Variants in NRXN1 observed in about 807,000 individuals in gnomAD.
NRXN1 encodes the protein neurexin-1.
Under a neutral mutation model 150.9 loss-of-function variants are expected in NRXN1, and 39 were observed. The ratio of observed to expected loss-of-function variants is 0.26; its 90% confidence interval spans 0.20 to 0.34. NRXN1 has a LOEUF of 0.34. Ranked by LOEUF, NRXN1 falls within the 10% of genes least tolerant of loss-of-function variation. NRXN1 has a pLI of 1.00. For synonymous variants in NRXN1, 924 were observed against 757.0 expected (o/e 1.22, Z -3.62); for missense variants, 1,815 against 1,949.9 (o/e 0.93, Z 1.30).
rs375527835 is a variant in NRXN1, at chr2:50,499,714, TA to T, written c.2498-2001del. 4.0e-3 allele frequency among the ~76,000 whole-genome samples: 603 copies of T among 151,832 alleles called. 5 individuals carry two copies. The highest frequency in any genetic ancestry group is 0.014 in the African/African-American group (578 of 41,440). ...TGTAATCCCAGCATTTTGGGAGGCC[TA>T]GGGGGGCAGATCACCTGAGGTCAGG... On this transcript the variant is annotated intron_variant, in intron 13 of 22. Transcript: ENST00000401669.
chr2:50,031,752 C>T (rs559412054), intron 21 of NRXN1, among the ~76,000 whole-genome samples: 1 of 152,164 alleles, frequency 6.6e-6, no homozygotes, highest in South Asian at 2.1e-4. Flanking sequence ...TCTCAAAAGA[C>T]TCTCAATGTC....
chr2:50,847,822 GGA>G (rs1673900374), intron 5 of NRXN1, among the ~76,000 whole-genome samples: 1 of 152,128 alleles, frequency 6.6e-6, no homozygotes, highest in African/African-American at 2.4e-5. Flanking sequence ...GAAAGGTGGC[GGA>G]GTTTGGCTGG....
intron 17 of NRXN1, among the ~76,000 whole-genome samples, chr2:50,358,719 G>T (rs1322142002): frequency 1.3e-5 from 2 of 152,204 alleles, no homozygotes; most frequent in Non-Finnish European, 2.9e-5. Context: ...GCAGCACATC[G>T]CTGGAGCTCT....
At chr2:50,655,915 T>A (rs753447549) in intron 5 of NRXN1, among the ~76,000 whole-genome samples, 1 of 151,942 alleles carries the variant, frequency 6.6e-6, no homozygotes, top group Non-Finnish European at 1.5e-5. Flanking sequence ...TAAATTGACA[T>A]ATAAATGTGG....
chr2:50,363,840 C>G (rs1446575426), intron 17 of NRXN1, among the ~76,000 whole-genome samples: 2 of 152,140 alleles, frequency 1.3e-5, no homozygotes, highest in Non-Finnish European at 2.9e-5. Flanking sequence ...TGCAACCAAC[C>G]CAAATGCCCG....
At chr2:50,862,360 A>G (rs897266703) in intron 5 of NRXN1, among the ~76,000 whole-genome samples, 2 of 152,030 alleles carry the variant, frequency 1.3e-5, no homozygotes, top group Admixed American at 1.3e-4. Context: ...CACACACAAA[A>G]CACATTTGCT....
At chr2:50,160,490 G>C (rs535350935) in intron 18 of NRXN1, among the ~76,000 whole-genome samples, 1 of 152,046 alleles carries the variant, frequency 6.6e-6, no homozygotes, top group East Asian at 1.9e-4. Context: ...GCAGTGAGCT[G>C]AGATTGCGCC....
chr2:50,310,101 G>C lies in NRXN1; in HGVS notation c.3365-73131C>G, dbSNP rs113288317. On this transcript the variant is annotated intron_variant, in intron 17 of 22. Transcript: ENST00000401669. Reference sequence around the variant, plus strand: ...ATCCTGGAGTCTCAGAAGCAGAGAAGAAATGCATTAGAAAAGGAAAGAGAG... The same window carrying C: ...ATCCTGGAGTCTCAGAAGCAGAGAACAAATGCATTAGAAAAGGAAAGAGAG... 7.2e-5 allele frequency among the ~76,000 whole-genome samples: 11 copies of C among 152,310 alleles called. 1 individual carries two copies. The highest frequency in any genetic ancestry group is 2.6e-4 in the African/African-American group (11 of 41,580).
intron 17 of NRXN1, among the ~76,000 whole-genome samples, chr2:50,423,050 T>A (rs1258419945): frequency 6.6e-6 from 1 of 152,180 alleles, no homozygotes; most frequent in Non-Finnish European, 1.5e-5. Flanking sequence ...TAAACTAACA[T>A]TTTCAGTCTA....
chr2:50,533,819 T>A (rs892616140), intron 10 of NRXN1, among the ~76,000 whole-genome samples: 1 of 152,146 alleles, frequency 6.6e-6, no homozygotes, highest in Non-Finnish European at 1.5e-5. Flanking sequence ...TCACCCCAGA[T>A]CTTTAAATAG....
intron 5 of NRXN1, among the ~76,000 whole-genome samples, chr2:50,911,100 A>C (rs1684450303): frequency 6.6e-6 from 1 of 152,114 alleles, no homozygotes; most frequent in East Asian, 1.9e-4. Context: ...TGAGAGATTT[A>C]TCTTTGGCAA....
chr2:50,092,432 G>A (rs1699709420), intron 18 of NRXN1, among the ~76,000 whole-genome samples: 1 of 152,210 alleles, frequency 6.6e-6, no homozygotes, highest in African/African-American at 2.4e-5. Flanking sequence ...GAATACCTGT[G>A]CTGTAGGCCC....
chr2:50,521,692 T>G (rs1195280904), intron 12 of NRXN1, among the ~76,000 whole-genome samples: 1 of 152,154 alleles, frequency 6.6e-6, no homozygotes, highest in Non-Finnish European at 1.5e-5. Context: ...TCATGGGTAT[T>G]TTATAGCTAA....
At chr2:50,845,872 G>T (rs1183553997) in intron 5 of NRXN1, among the ~76,000 whole-genome samples, 1 of 152,096 alleles carries the variant, frequency 6.6e-6, no homozygotes, top group Non-Finnish European at 1.5e-5. Context: ...AAAAAAACCA[G>T]AAAATTTATG....
At chr2:50,701,005 G>C (rs898638856) in intron 5 of NRXN1, among the ~76,000 whole-genome samples, 4 of 151,786 alleles carry the variant, frequency 2.6e-5, no homozygotes, top group African/African-American at 9.7e-5. Context: ...TTGTCCGAAG[G>C]GTGCTTCTTC....
intron 5 of NRXN1, among the ~76,000 whole-genome samples, chr2:50,781,078 A>T (rs755987701): frequency 6.6e-6 from 1 of 152,182 alleles, no homozygotes; most frequent in Non-Finnish European, 1.5e-5. Flanking sequence ...CTTGTAGCAA[A>T]AGCAGCAGCC....
intron 5 of NRXN1, among the ~76,000 whole-genome samples, chr2:50,846,023 T>C (rs2105951077): frequency 6.6e-6 from 1 of 152,338 alleles, no homozygotes. Flanking sequence ...TGTGTTGTTT[T>C]TCACATTAAA....
At chr2:51,021,075 A>C (rs1423755383) in intron 2 of NRXN1, among the ~76,000 whole-genome samples, 1 of 152,018 alleles carries the variant, frequency 6.6e-6, no homozygotes, top group Non-Finnish European at 1.5e-5. Context: ...AAGAAAAGGA[A>C]CTGGGCCACA....
At chr2:50,202,258 C>A (rs1291531160) in intron 18 of NRXN1, among the ~76,000 whole-genome samples, 1 of 152,092 alleles carries the variant, frequency 6.6e-6, no homozygotes, top group Non-Finnish European at 1.5e-5. Flanking sequence ...TGTAATCCCG[C>A]CACTTTTGGA....
Sources: allele counts gnomAD v4.1 joint callset (sites outside exome capture counted in the v4.1 genomes callset), GRCh38; gene constraint gnomAD v4.1.1; transcripts MANE v1.5; gene names NCBI Gene and HGNC (gene_info 2026-07-23, HGNC 2026-07-21).